Variants in PCSK5 observed in about 807,000 individuals in gnomAD.
The protein encoded by PCSK5 is proprotein convertase subtilisin/kexin type 5, also known as prohormone convertase 5.
Under a neutral mutation model 233.2 loss-of-function variants are expected in PCSK5, and 129 were observed. The observed-to-expected ratio is 0.55, with a 90% CI of 0.48 to 0.64. PCSK5 has a LOEUF of 0.64. Ranked by LOEUF, PCSK5 falls within the 30% of genes least tolerant of loss-of-function variation. The pLI is 0.00. For synonymous variants in PCSK5, 825 were observed against 879.2 expected (o/e 0.94, Z 1.09); for missense variants, 2,076 against 2,430.1 (o/e 0.85, Z 3.06).
chr9:76,349,205 C>T (rs1435049150), intron 35 of PCSK5, among the ~76,000 whole-genome samples: 2 of 141,238 alleles, frequency 1.4e-5, no homozygotes, highest in Admixed American at 7.7e-5. Flanking sequence ...ACCCAGGAGG[C>T]GGAGTTTGCA....
intron 3 of PCSK5, among the ~76,000 whole-genome samples, chr9:76,016,277 A>G (rs1159878315): frequency 6.6e-6 from 1 of 152,180 alleles, no homozygotes; most frequent in African/African-American, 2.4e-5. Context: ...ACTTTCTGTA[A>G]CTCATGAACA....
intron 2 of PCSK5, among the ~76,000 whole-genome samples, chr9:75,970,136 G>A (rs1390982108): frequency 6.6e-6 from 1 of 152,112 alleles, no homozygotes; most frequent in Non-Finnish European, 1.5e-5. Context: ...GCCTCCCAAA[G>A]TGCTGAGATT....
At chr9:76,061,138 T>C (rs1433224621) in intron 5 of PCSK5, among the ~76,000 whole-genome samples, 1 of 152,108 alleles carries the variant, frequency 6.6e-6, no homozygotes, top group African/African-American at 2.4e-5. Flanking sequence ...TTCATAAAAC[T>C]GCAAAGCATA....
chr9:76,296,627 C>T lies in PCSK5; in HGVS notation c.3323-38C>T, dbSNP rs766066034. 4 of 1,425,874 alleles carry T rather than the reference C, an allele frequency of 2.8e-6. No individual in the cohort carries two copies. The African/African-American group carries it at 4.2e-5, about 15-fold the overall frequency. 88.3% of individuals were successfully genotyped at this position (1,425,874 alleles called of 1,614,324 possible). A position where few individuals can be genotyped will look rare whatever the true frequency, so the allele number is the denominator to read the frequency against. Reference sequence around the variant, plus strand: ...TTAGAACTTGGCCTTGCAAAGATCACTAAAGCCTTCATGCTTTCTCTCTGT... The same window carrying T: ...TTAGAACTTGGCCTTGCAAAGATCATTAAAGCCTTCATGCTTTCTCTCTGT... On this transcript the variant is annotated intron_variant, in intron 26 of 37. Coordinates refer to ENST00000674117, the MANE Select transcript of PCSK5 (RefSeq NM_001372043.1).
At chr9:76,123,090 C>CA (rs1832710837) in intron 9 of PCSK5, among the ~76,000 whole-genome samples, 1 of 152,014 alleles carries the variant, frequency 6.6e-6, no homozygotes, top group Non-Finnish European at 1.5e-5. Flanking sequence ...GTGATCCGCC[C>CA]ACCATGGCCT....
chr9:76,199,515 TCATAGCCCTG>T (rs1824831219), intron 20 of PCSK5, among the ~76,000 whole-genome samples: 2 of 152,096 alleles, frequency 1.3e-5, no homozygotes, highest in Non-Finnish European at 2.9e-5. Flanking sequence ...TTGAGAATCT[TCATAGCCCTG>T]CAAAGGAGGG....
intron 1 of PCSK5, among the ~76,000 whole-genome samples, chr9:75,916,118 C>T (rs1037132829): frequency 1.3e-4 from 19 of 151,944 alleles, no homozygotes; most frequent in African/African-American, 4.1e-4. Flanking sequence ...CAGGAATTGT[C>T]GAGATAAAGA....
chr9:76,240,419 A>G (rs1826392832), intron 23 of PCSK5, among the ~76,000 whole-genome samples, 197 bp from the exon 24 acceptor site: 1 of 152,206 alleles, frequency 6.6e-6, no homozygotes, highest in African/African-American at 2.4e-5. Context: ...TACCCAATCA[A>G]GCTGATTCAA....
At chr9:76,082,020 T>G (rs1830859599) in intron 7 of PCSK5, among the ~76,000 whole-genome samples, 1 of 152,150 alleles carries the variant, frequency 6.6e-6, no homozygotes, top group Non-Finnish European at 1.5e-5. Context: ...CATAGGCAAA[T>G]CTTGTCATTT....
intron 1 of PCSK5, among the ~76,000 whole-genome samples, chr9:75,928,152 G>A (rs775966982): frequency 6.6e-6 from 1 of 152,320 alleles, no homozygotes; most frequent in Non-Finnish European, 1.5e-5. Flanking sequence ...AGAGGGCTAA[G>A]AGGGAAGAAA....
intron 5 of PCSK5, among the ~76,000 whole-genome samples, chr9:76,054,327 G>A (rs758062564): frequency 4.6e-5 from 7 of 152,128 alleles, no homozygotes; most frequent in Non-Finnish European, 1.0e-4. Context: ...ACCAAAGTGA[G>A]GTGAAGAACT....
intron 5 of PCSK5, among the ~76,000 whole-genome samples, chr9:76,040,068 A>G (rs906048601): frequency 6.6e-6 from 1 of 152,196 alleles, no homozygotes; most frequent in Admixed American, 6.5e-5. Context: ...GTAAACATTC[A>G]TGTCAGATAG....
Position 76,026,875 on chromosome 9 carries a change from T to G in PCSK5, c.556-86T>G, listed in dbSNP as rs1313779590. The G allele has an allele frequency of 3.5e-6, 3 of 855,674 alleles. No individual in the cohort carries two copies. In the East Asian group the frequency reaches 7.6e-5, roughly 22 times the overall value. The allele number at this position is 855,674 out of a possible 1,614,324, so 53.0% of individuals were successfully genotyped here. On this transcript the variant is annotated intron_variant, in intron 4 of 37. Transcript: ENST00000674117. ...ACCTAATTACTTTCTGGCAGAAATG[T>G]ATTTAAAAATGCATGAGCCTGTGGG...
intron 7 of PCSK5, among the ~76,000 whole-genome samples, chr9:76,081,802 C>T (rs1195200123): frequency 6.6e-6 from 1 of 152,048 alleles, no homozygotes; most frequent in Non-Finnish European, 1.5e-5. Context: ...TTCCTAACCC[C>T]GAGATTTCTT....
At chr9:76,341,267 CA>C (rs1245681440) in intron 35 of PCSK5, among the ~76,000 whole-genome samples, 1 of 152,014 alleles carries the variant, frequency 6.6e-6, no homozygotes, top group Non-Finnish European at 1.5e-5. Flanking sequence ...TCTTCTCATC[CA>C]TTTTTATTTT....
chr9:76,298,976 C>T (rs867110634), intron 27 of PCSK5, among the ~76,000 whole-genome samples: 106 of 152,308 alleles, frequency 7.0e-4, no homozygotes, highest in African/African-American at 2.4e-3. Flanking sequence ...ATCCTGTTTG[C>T]GTCTGAAGAC....
intron 10 of PCSK5, among the ~76,000 whole-genome samples, chr9:76,135,898 T>A (rs1187955311): frequency 6.6e-6 from 1 of 152,090 alleles, no homozygotes; most frequent in East Asian, 1.9e-4. Flanking sequence ...CAAATGGTTC[T>A]AACAAAAATG....
chr9:76,219,708 C>G (rs555051616), intron 20 of PCSK5, among the ~76,000 whole-genome samples: 28 of 152,332 alleles, frequency 1.8e-4, no homozygotes, highest in African/African-American at 6.3e-4. Context: ...CTTCCCCTCT[C>G]CTGCTGCGGG....
intron 20 of PCSK5, among the ~76,000 whole-genome samples, chr9:76,225,669 A>G (rs533423581): frequency 2.8e-4 from 42 of 152,350 alleles, no homozygotes; most frequent in Non-Finnish European, 5.1e-4. Context: ...AGAAGGCTGC[A>G]TAACTATGAT....
Sources: gnomAD v4.1 joint callset for allele counts (sites outside exome capture counted in the v4.1 genomes callset) on GRCh38, gnomAD v4.1.1 for gene constraint, MANE v1.5 for transcripts, NCBI Gene and HGNC (gene_info 2026-07-23, HGNC 2026-07-21) for gene names.